TMTC2: variants seen among roughly 807,000 people sequenced by gnomAD.
TMTC2 encodes the protein transmembrane O-mannosyltransferase targeting cadherins 2.
In TMTC2, 43 loss-of-function variants were observed where a neutral mutation model predicts 82.4. The ratio of observed to expected loss-of-function variants is 0.52; its 90% CI spans 0.41 to 0.67. The LOEUF is 0.67. Ranked by LOEUF, TMTC2 falls within the 30% of genes least tolerant of loss-of-function variation. The pLI is 0.00. For synonymous variants in TMTC2, 408 were observed against 381.9 expected (o/e 1.07, Z -0.80); for missense variants, 919 against 1,012.4 (o/e 0.91, Z 1.25).
chr12:83,128,581 G>C lies in TMTC2; in HGVS notation c.2332-3629G>C, dbSNP rs1885165416. Among the ~76,000 whole-genome samples, 3 of 152,110 alleles carry C rather than the reference G, an allele frequency of 2.0e-5. No individual in the cohort carries two copies. The South Asian group carries it at 6.2e-4, about 32-fold the overall frequency. On this transcript the variant is annotated intron_variant, in intron 11 of 11. Transcript: ENST00000321196. ...GAAGCTGTGAAATGATATAATCTAT[G>C]ATCTAGAAATTACCTTTAGAACAGT...
At chr12:82,971,914 G>A (rs1878464980) in intron 7 of TMTC2, among the ~76,000 whole-genome samples, 2 of 152,020 alleles carry the variant, frequency 1.3e-5, no homozygotes, top group South Asian at 4.1e-4. Context: ...GAACTTTCTG[G>A]GAGATTTCAC....
At chr12:83,103,098 G>T in intron 11 of TMTC2, among the ~76,000 whole-genome samples, 1 of 152,292 alleles carries the variant, frequency 6.6e-6, no homozygotes, top group African/African-American at 2.4e-5. Flanking sequence ...AAAGAAAAAA[G>T]AACAACTGCA....
At chr12:82,715,287 C>A (rs11613302) in intron 1 of TMTC2, among the ~76,000 whole-genome samples, 15,063 of 148,226 alleles carry the variant, frequency 0.1, 870 homozygotes, top group East Asian at 0.23. Context: ...AAAAAAAAAA[C>A]AAAAAAGAAA....
At chr12:82,779,150 A>G (rs1877763150) in intron 1 of TMTC2, among the ~76,000 whole-genome samples, 1 of 152,000 alleles carries the variant, frequency 6.6e-6, no homozygotes, top group African/African-American at 2.4e-5. Context: ...ATATATGCAA[A>G]GGCAAGGAAT....
intron 2 of TMTC2, among the ~76,000 whole-genome samples, chr12:82,893,815 G>A (rs1446498178): frequency 2.0e-5 from 3 of 152,150 alleles, no homozygotes; most frequent in African/African-American, 7.2e-5. Context: ...AAACTTCTAA[G>A]ATCTTAAAAG....
intron 1 of TMTC2, among the ~76,000 whole-genome samples, chr12:82,719,079 ATATATATTTTTTT>A (rs1874052417): frequency 6.2e-5 from 4 of 64,954 alleles, no homozygotes; most frequent in South Asian, 6.3e-4. Context: ...ATATATATAT[ATATATATTTTTTT>A]TTTTTTTTTT....
chr12:82,930,279 T>C (rs1440060067), intron 3 of TMTC2, 152 bp from the exon 4 acceptor site: 3 of 491,766 alleles, frequency 6.1e-6, no homozygotes, highest in Non-Finnish European at 7.3e-6. Flanking sequence ...CCTGGCCTGA[T>C]GAAATGTTAG....
Position 82,986,300 on chromosome 12 carries a change from A to C in TMTC2, c.2070+254A>C, listed in dbSNP as rs571084995. The C allele has an allele frequency of 9.4e-6, 4 of 425,322 alleles. No homozygotes were observed. The East Asian group carries it at 1.7e-4, about 18-fold the overall frequency. The allele number at this position is 425,322 out of a possible 1,614,324, so 26.3% of individuals were successfully genotyped here. A position where few individuals can be genotyped will look rare whatever the true frequency, so the allele number is the denominator to read the frequency against. ...ATAATATGTGAGATGTCTGTATCTT[A>C]CATCTTGGTCTAGATAAGATGTGAG... On this transcript the variant is annotated intron_variant, in intron 8 of 11. Transcript: ENST00000321196.
intron 8 of TMTC2, among the ~76,000 whole-genome samples, chr12:82,987,949 A>G (rs78197180): frequency 0.016 from 2,479 of 152,264 alleles, 55 homozygotes; most frequent in East Asian, 0.11. Flanking sequence ...ATTTACCTAC[A>G]TGACCCTGGA....
intron 2 of TMTC2, among the ~76,000 whole-genome samples, chr12:82,868,375 T>C (rs1871976391): frequency 1.3e-5 from 2 of 152,220 alleles, no homozygotes; most frequent in Non-Finnish European, 2.9e-5. Context: ...AGGAAAAGCC[T>C]TTTTCAAGGT....
chr12:82,735,232 A>G (rs1420939559), intron 1 of TMTC2, among the ~76,000 whole-genome samples: 5 of 152,164 alleles, frequency 3.3e-5, no homozygotes, highest in Admixed American at 1.3e-4. Context: ...AATAAACCCA[A>G]TATCACAATA....
At chr12:82,766,354 A>G (rs1253530480) in intron 1 of TMTC2, among the ~76,000 whole-genome samples, 1 of 152,140 alleles carries the variant, frequency 6.6e-6, no homozygotes, top group Non-Finnish European at 1.5e-5. Context: ...TGTCTCTCCC[A>G]GGTTCCTGTT....
intron 4 of TMTC2, among the ~76,000 whole-genome samples, chr12:82,963,831 A>T (rs1335333933): frequency 2.1e-5 from 2 of 97,156 alleles, no homozygotes; most frequent in African/African-American, 1.2e-4. Context: ...ATATATATAT[A>T]TATATATATA....
At chr12:82,875,241 C>CA (rs1872424602) in intron 2 of TMTC2, among the ~76,000 whole-genome samples, 1 of 152,094 alleles carries the variant, frequency 6.6e-6, no homozygotes, top group Non-Finnish European at 1.5e-5. Flanking sequence ...TGAATCATTC[C>CA]ATTTCATACA....
At chr12:82,786,143 T>C (rs1342187781) in intron 1 of TMTC2, among the ~76,000 whole-genome samples, 1 of 152,086 alleles carries the variant, frequency 6.6e-6, no homozygotes, top group Non-Finnish European at 1.5e-5. Flanking sequence ...AGATTTCCTT[T>C]CCACTAAGAA....
chr12:83,040,887 T>C (rs931223605), intron 9 of TMTC2, among the ~76,000 whole-genome samples: 7 of 152,038 alleles, frequency 4.6e-5, no homozygotes, highest in Non-Finnish European at 5.9e-5. Context: ...GGGATCACCG[T>C]GTTAGCCAGG....
intron 1 of TMTC2, among the ~76,000 whole-genome samples, chr12:82,719,671 C>CTTTTTTTTT (rs202235180): frequency 1.6e-5 from 2 of 128,148 alleles, no homozygotes; most frequent in Non-Finnish European, 1.6e-5. Flanking sequence ...GTCTCTCTGT[C>CTTTTTTTTT]TTTTTTTTTT....
At chr12:82,780,582 T>G (rs962780581) in intron 1 of TMTC2, among the ~76,000 whole-genome samples, 2 of 152,132 alleles carry the variant, frequency 1.3e-5, no homozygotes, top group Non-Finnish European at 2.9e-5. Context: ...TTTGCATGCT[T>G]CTTTGCTTCT....
chr12:82,790,536 TTTC>T (rs1281038850), intron 1 of TMTC2, among the ~76,000 whole-genome samples: 1 of 151,824 alleles, frequency 6.6e-6, no homozygotes, highest in Non-Finnish European at 1.5e-5. Context: ...GTTTGAAAAA[TTTC>T]TTCTTGTGGC....
Sources: gnomAD v4.1 joint callset for allele counts (sites outside exome capture counted in the v4.1 genomes callset) on GRCh38, gnomAD v4.1.1 for gene constraint, MANE v1.5 for transcripts, NCBI Gene and HGNC (gene_info 2026-07-23, HGNC 2026-07-21) for gene names.